The following ARL4C variants were observed in gnomAD, a reference collection of about 807,000 sequenced individuals.
The protein encoded by ARL4C is ARF like GTPase 4C, also known as ADP-ribosylation factor-like protein 4C.
ARL4C carries 5 observed loss-of-function variants against 12.8 expected under a neutral mutation model. The ratio of observed to expected loss-of-function variants is 0.39; its 90% confidence interval spans 0.20 to 0.82. ARL4C has a LOEUF of 0.82. Among genes scored for constraint, ARL4C ranks in the 40% least tolerant of loss-of-function variants. ARL4C has a pLI of 0.39. For missense variants in ARL4C, 148 were observed against 265.2 expected (o/e 0.56, Z 3.07); for synonymous variants, 119 against 119.4 (o/e 1.00, Z 0.02).
rs1290871420 is a variant in ARL4C, at chr2:234,496,021, T to C, written c.566A>G (p.Lys189Arg). 2.5e-6 allele frequency: 4 copies of C among 1,605,772 alleles called. No homozygotes were observed. Among genetic ancestry groups the C allele is most frequent in the Non-Finnish European group, 3.4e-6 (4 of 1,175,276 alleles). Residue 189 changes from lysine to arginine, a missense_variant, in exon 1 of 2, where the codon AAG becomes AGG. Lys to Arg is a conservative substitution (Grantham distance 26). This residue lies in a region of ARL4C where 28 missense variants were observed against 24.3 expected (regional missense o/e 1.15). Transcript: ENST00000339728. ...ILKRRKSLKQ[K>R]KKRTGDLRSC... The stretch of plus-strand genomic sequence containing the variant: ...GCTCCGGGCGCATTACCGCTTCTTC[T>C]TCTGCTTGAGGGACTTCCTGCGTTT...
chr2:234,495,986 C>G (rs778589064), intron 1 of ARL4C, 26 bp downstream of exon 1: 1 of 1,608,186 alleles, frequency 6.2e-7, no homozygotes, highest in South Asian at 1.1e-5. Flanking sequence ...CACTCGCTCG[C>G]TCCCCGGTCG....
chr2:234,496,988 T>TC lies in ARL4C; in HGVS notation c.-403dup, dbSNP rs1691796830. Reference sequence around the variant, plus strand: ...GGGACGGCGCTGCTCCTGCTCCTGCTCCCGCTCCCGCTCCCGGAGCGCGGG... The same window carrying TC: ...GGGACGGCGCTGCTCCTGCTCCTGCTCCCCGCTCCCGCTCCCGGAGCGCGGG... On this transcript the variant is annotated 5_prime_UTR_variant, in exon 1 of 2. Coordinates refer to ENST00000339728, the MANE Select transcript of ARL4C (RefSeq NM_001282431.2). 2.0e-5 allele frequency: 1 copy of TC among 50,286 alleles called. No homozygotes were observed. The allele number at this position is 50,286 out of a possible 1,614,324, so 3.1% of individuals were successfully genotyped here.
At position 234,495,843 on chromosome 2, in the gene ARL4C, T is replaced by C. The variant is rs764476998; in HGVS notation, c.576-7A>G. 1.3e-6 allele frequency: 2 copies of C among 1,598,816 alleles called. No homozygotes were observed. Among genetic ancestry groups the C allele is most frequent in the Non-Finnish European group, 1.7e-6 (2 of 1,179,812 alleles). ...GCTCCTTAAGTCACCAGTCCTGCAT[T>C]TGGGTGCAGAGATTCCGTTTTAAAA... On this transcript the variant is annotated splice_region_variant and splice_polypyrimidine_tract_variant and intron_variant, in intron 1 of 1. Transcript: ENST00000339728.
rs1691771104 is a variant in ARL4C at position 234,495,664 on chromosome 2, C to T, written c.*142G>A. 1.7e-5 allele frequency: 18 copies of T among 1,062,940 alleles called. No homozygotes were observed. The highest frequency in any genetic ancestry group is 2.4e-5 in the Non-Finnish European group (17 of 709,246). The allele number at this position is 1,062,940 out of a possible 1,614,324, so 65.8% of individuals were successfully genotyped here. ...TTGTCTTTCCGACAACTGAGCCTTC[C>T]ACCTGGGGCTGGGAGGGCGGACAGC... On this transcript the variant is annotated 3_prime_UTR_variant, in exon 2 of 2. Transcript: ENST00000339728.
rs776305215 is a variant in ARL4C, at chr2:234,496,326, G to A, written c.261C>T (p.Asp87=). The part of the protein sequence containing the change: ...PLWKSYSRCT[D]GIIYVVDSVD... ...CCGAGTCCACCACGTAGATGATGCC[G>A]TCCGTGCAGCGGCTGTAGGACTTCC... Residue 87 remains aspartate, a synonymous_variant, in exon 1 of 2, where the codon GAC becomes GAT. Transcript: ENST00000339728. The A allele has an allele frequency of 1.8e-5, 29 of 1,613,002 alleles. No individual in the cohort carries two copies. The highest frequency in any genetic ancestry group is 2.2e-5 in the Non-Finnish European group (26 of 1,179,684).
Position 234,495,637 on chromosome 2 carries a change from T to G in ARL4C, c.*169A>C. 1 of 831,840 alleles carries G rather than the reference T, an allele frequency of 1.2e-6. No individual in the cohort carries two copies. Among genetic ancestry groups the G allele is most frequent in the Non-Finnish European group, 1.9e-6 (1 of 524,148 alleles). 51.5% of individuals were successfully genotyped at this position (831,840 alleles called of 1,614,324 possible). A position where few individuals can be genotyped will look rare whatever the true frequency, so the allele number is the denominator to read the frequency against. The stretch of plus-strand genomic sequence containing the variant: ...CCCTGCAGGAGTGGGAAGAAATCGC[T>G]TTTGTCTTTCCGACAACTGAGCCTT... On this transcript the variant is annotated 3_prime_UTR_variant, in exon 2 of 2. Coordinates refer to ENST00000339728, the MANE Select transcript of ARL4C (RefSeq NM_001282431.2).
At position 234,496,329 on chromosome 2, in the gene ARL4C, C is replaced by A; in HGVS notation, c.258G>T (p.Thr86=). The A allele has an allele frequency of 1.9e-6, 3 of 1,613,262 alleles. No individual in the cohort carries two copies. The highest frequency in any genetic ancestry group is 2.5e-6 in the Non-Finnish European group (3 of 1,179,736). ...RPLWKSYSRC[T]DGIIYVVDSV... ...AGTCCACCACGTAGATGATGCCGTC[C>A]GTGCAGCGGCTGTAGGACTTCCACA... is the stretch of plus-strand genomic sequence containing the variant. Residue 86 remains threonine (T), a synonymous_variant, in exon 1 of 2, where the codon ACG becomes ACT. Coordinates refer to ENST00000339728, the MANE Select transcript of ARL4C (RefSeq NM_001282431.2).
At position 234,493,829 on chromosome 2, in the gene ARL4C, T is replaced by C. The variant is rs761677891; in HGVS notation, c.*1977A>G. 6.6e-6 allele frequency: 1 copy of C among 152,548 alleles called. No homozygotes were observed. The highest frequency in any genetic ancestry group is 1.5e-5 in the Non-Finnish European group (1 of 68,032). The allele number at this position is 152,548 out of a possible 1,614,324, so 9.4% of individuals were successfully genotyped here. A position where few individuals can be genotyped will look rare whatever the true frequency, so the allele number is the denominator to read the frequency against. On this transcript the variant is annotated 3_prime_UTR_variant, in exon 2 of 2. Transcript: ENST00000339728. ...TGGGACCAGCCCATTTAGAAATCAGTGGATATGCTGTCGATATGTAAACTG... is the reference window on the plus strand; with the variant it reads ...TGGGACCAGCCCATTTAGAAATCAGCGGATATGCTGTCGATATGTAAACTG...
Position 234,496,824 on chromosome 2 carries a change from C to A in ARL4C, c.-238G>T, listed in dbSNP as rs1306299763. ...ATCGCGTCTCTACGCGCGGCTTTGT[C>A]TCCCGCGAAGCCGCCTCAGATGTTC... On this transcript the variant is annotated 5_prime_UTR_variant, in exon 1 of 2. Transcript: ENST00000339728. 2 of 149,746 alleles carry A rather than the reference C, an allele frequency of 1.3e-5. No individual in the cohort carries two copies. The highest frequency in any genetic ancestry group is 3.0e-5 in the Non-Finnish European group (2 of 67,310). 9.3% of individuals were successfully genotyped at this position (149,746 alleles called of 1,614,324 possible).
chr2:234,494,881 C>T lies in ARL4C; in HGVS notation c.*925G>A, dbSNP rs184920474. 4 of 151,460 alleles carry T rather than the reference C, an allele frequency of 2.6e-5. No homozygotes were observed. Among genetic ancestry groups the T allele is most frequent in the East Asian group, 3.9e-4 (2 of 5,170 alleles). The allele number at this position is 151,460 out of a possible 1,614,324, so 9.4% of individuals were successfully genotyped here. A position where few individuals can be genotyped will look rare whatever the true frequency, so the allele number is the denominator to read the frequency against. ...CATCCCTTGGTTAAAAAAAAAAATACCATCTTGCAATTCAGCACACACCTG... is the reference window on the plus strand; with the variant it reads ...CATCCCTTGGTTAAAAAAAAAAATATCATCTTGCAATTCAGCACACACCTG... On this transcript the variant is annotated 3_prime_UTR_variant, in exon 2 of 2. Coordinates refer to ENST00000339728, the MANE Select transcript of ARL4C (RefSeq NM_001282431.2).
Position 234,496,709 on chromosome 2 carries a change from G to A in ARL4C, c.-123C>T, listed in dbSNP as rs1418016197. The A allele has an allele frequency of 2.6e-5, 10 of 381,092 alleles. No individual in the cohort carries two copies. Among genetic ancestry groups the A allele is most frequent in the Non-Finnish European group, 3.2e-5 (9 of 280,782 alleles). 23.6% of individuals were successfully genotyped at this position (381,092 alleles called of 1,614,324 possible). A position where few individuals can be genotyped will look rare whatever the true frequency, so the allele number is the denominator to read the frequency against. ...GCCCGCCGCCGCCCGCACCGGCCCC[G>A]GGGCTCGGCGTCCCCGCGGGCGCAC... On this transcript the variant is annotated 5_prime_UTR_variant, in exon 1 of 2. Transcript: ENST00000339728.
rs1387466416 is a variant in ARL4C at position 234,493,945 on chromosome 2, C to T, written c.*1861G>A. On this transcript the variant is annotated 3_prime_UTR_variant, in exon 2 of 2. Transcript: ENST00000339728. ...AGCATTGGAGGGGTACCAAATACAC[C>T]GACAAAAGAGAAAAAGCAGATGGGC... is the stretch of plus-strand genomic sequence containing the variant. 3 of 152,382 alleles carry T rather than the reference C, an allele frequency of 2.0e-5. No individual in the cohort carries two copies. The highest frequency in any genetic ancestry group is 2.9e-5 in the Non-Finnish European group (2 of 67,990). The allele number at this position is 152,382 out of a possible 1,614,324, so 9.4% of individuals were successfully genotyped here.
intron 1 of ARL4C, 85 bp downstream of exon 1, chr2:234,495,927 T>A: frequency 1.2e-6 from 2 of 1,607,988 alleles, no homozygotes. Flanking sequence ...CGCTCATCCA[T>A]CCATCCATCC....
chr2:234,495,776 T>TG lies in ARL4C; in HGVS notation c.*29dup. On this transcript the variant is annotated 3_prime_UTR_variant, in exon 2 of 2. Transcript: ENST00000339728. ...GACAAAAGGTCCCCTGAGCTGGGGGTGGGGGGCAGGTCGAGAGTAGGCCGG... is the reference window on the plus strand; with the variant it reads ...GACAAAAGGTCCCCTGAGCTGGGGGTGGGGGGGCAGGTCGAGAGTAGGCCGG... 2.5e-6 allele frequency: 4 copies of TG among 1,597,754 alleles called. No individual in the cohort carries two copies. The highest frequency in any genetic ancestry group is 3.4e-6 in the Non-Finnish European group (4 of 1,179,498).
rs1574657767 is a variant in ARL4C, at chr2:234,497,026, T to G, written c.-440A>C. 7.0e-6 allele frequency: 1 copy of G among 143,074 alleles called. No homozygotes were observed. The highest frequency in any genetic ancestry group is 2.1e-4 in the East Asian group (1 of 4,774). The allele number at this position is 143,074 out of a possible 1,614,324, so 8.9% of individuals were successfully genotyped here. A position where few individuals can be genotyped will look rare whatever the true frequency, so the allele number is the denominator to read the frequency against. ...CCCGGAGCGCGGGCTTCCCCGGGAG[T>G]CGCTGTCCGCTCGGCAGCCTCACAG... On this transcript the variant is annotated 5_prime_UTR_variant, in exon 1 of 2. Coordinates refer to ENST00000339728, the MANE Select transcript of ARL4C (RefSeq NM_001282431.2).
Position 234,495,836 on chromosome 2 carries a change from C to T in ARL4C, c.576G>A (p.Arg192=), listed in dbSNP as rs763073076. ...RRKSLKQKKK[R]TGDLRSCEV is the part of the protein sequence containing the mutation. ...CTTCGCAGCTCCTTAAGTCACCAGT[C>T]CTGCATTTGGGTGCAGAGATTCCGT... is the stretch of plus-strand genomic sequence containing the variant. Residue 192 remains arginine, a splice_region_variant and synonymous_variant, in exon 2 of 2, where the codon CGG becomes CGA. Coordinates refer to ENST00000339728, the MANE Select transcript of ARL4C (RefSeq NM_001282431.2). 5 of 1,598,600 alleles carry T rather than the reference C, an allele frequency of 3.1e-6. No individual in the cohort carries two copies. The African/African-American group carries it at 6.7e-5, about 21-fold the overall frequency.
rs181886561 is a variant in ARL4C, at chr2:234,494,030, G to A, written c.*1776C>T. On this transcript the variant is annotated 3_prime_UTR_variant, in exon 2 of 2. Coordinates refer to ENST00000339728, the MANE Select transcript of ARL4C (RefSeq NM_001282431.2). ...GAATTGGGTTTCAAGCAGGAAGCCA[G>A]AACTTCTGCCTCTGGTTCTTAAATT... The A allele has an allele frequency of 2.0e-5, 3 of 152,554 alleles. No homozygotes were observed. Among genetic ancestry groups the A allele is most frequent in the Admixed American group, 2.0e-4 (3 of 15,306 alleles). 9.5% of individuals were successfully genotyped at this position (152,554 alleles called of 1,614,324 possible).
At position 234,496,629 on chromosome 2, in the gene ARL4C, G is replaced by A. The variant is rs1691788842; in HGVS notation, c.-43C>T. On this transcript the variant is annotated 5_prime_UTR_variant, in exon 1 of 2. Coordinates refer to ENST00000339728, the MANE Select transcript of ARL4C (RefSeq NM_001282431.2). ...CCAGCCACTGCGGCTGCGGCGGGAG[G>A]GCGCCGCCCCCCGAGCAGTCACGGG... 9.3e-6 allele frequency: 13 copies of A among 1,402,306 alleles called. No homozygotes were observed. In the South Asian group the frequency reaches 2.1e-4, roughly 23 times the overall value. The allele number at this position is 1,402,306 out of a possible 1,614,324, so 86.9% of individuals were successfully genotyped here.
chr2:234,496,624 G>A lies in ARL4C; in HGVS notation c.-38C>T. 1 of 1,418,416 alleles carries A rather than the reference G, an allele frequency of 7.1e-7. No individual in the cohort carries two copies. Among genetic ancestry groups the A allele is most frequent in the Non-Finnish European group, 9.2e-7 (1 of 1,083,666 alleles). The allele number at this position is 1,418,416 out of a possible 1,614,324, so 87.9% of individuals were successfully genotyped here. A position where few individuals can be genotyped will look rare whatever the true frequency, so the allele number is the denominator to read the frequency against. ...CGGCGCCAGCCACTGCGGCTGCGGC[G>A]GGAGGGCGCCGCCCCCCGAGCAGTC... On this transcript the variant is annotated 5_prime_UTR_variant, in exon 1 of 2. Coordinates refer to ENST00000339728, the MANE Select transcript of ARL4C (RefSeq NM_001282431.2).
Sources: allele counts gnomAD v4.1 joint callset, GRCh38; gene constraint gnomAD v4.1.1; regional missense constraint gnomAD v4.1.1; transcripts MANE v1.5; gene names NCBI Gene and HGNC (gene_info 2026-07-23, HGNC 2026-07-21).